Variants in SH3GL3 observed in about 807,000 individuals in gnomAD.
The protein encoded by SH3GL3 is endophilin-A3.
SH3GL3 carries 33 observed loss-of-function variants against 47.7 expected under a neutral mutation model. That is an observed-to-expected ratio of 0.69 (90% CI 0.52 to 0.92). The LOEUF (loss-of-function observed/expected upper bound fraction) is 0.92, where lower values mean the gene tolerates loss of function less well. Among genes scored for constraint, SH3GL3 ranks in the 40% least tolerant of loss-of-function variants. The pLI, the probability that SH3GL3 is intolerant of heterozygous loss-of-function variation, is 0.00. For missense variants in SH3GL3, 363 were observed against 417.8 expected (o/e 0.87, Z 1.14); for synonymous variants, 155 against 148.8 (o/e 1.04, Z -0.30).
intron 1 of SH3GL3, among the ~76,000 whole-genome samples, chr15:83,501,377 A>T (rs891566361): frequency 6.6e-6 from 1 of 152,192 alleles, no homozygotes; most frequent in Non-Finnish European, 1.5e-5. Context: ...TTCTGTGCTA[A>T]CATTTTTCTC....
intron 1 of SH3GL3, among the ~76,000 whole-genome samples, chr15:83,460,336 A>G (rs2040230949): frequency 6.6e-6 from 1 of 151,730 alleles, no homozygotes; most frequent in Admixed American, 6.6e-5. Context: ...ATTTTTCTAA[A>G]AGCCATGCAT....
downstream of SH3GL3, among the ~76,000 whole-genome samples, chr15:83,619,117 A>G (rs2060898989): frequency 1.3e-5 from 2 of 152,198 alleles, no homozygotes; most frequent in Admixed American, 6.5e-5. Context: ...CCTTGCCTAC[A>G]GTACGCACTA....
intron 8 of SH3GL3, 88 bp downstream of exon 8, chr15:83,588,859 A>G (rs902432390): frequency 6.8e-6 from 5 of 738,000 alleles, no homozygotes; most frequent in African/African-American, 5.2e-5. Context: ...GGGTCAGTGA[A>G]TACACACAGA....
At chr15:83,579,656 C>G (rs1285806452) in intron 6 of SH3GL3, among the ~76,000 whole-genome samples, 1 of 152,148 alleles carries the variant, frequency 6.6e-6, no homozygotes, top group African/African-American at 2.4e-5. Flanking sequence ...TTCACTGACA[C>G]CCCATGATAA....
At chr15:83,485,943 C>T (rs2041576802) in intron 1 of SH3GL3, among the ~76,000 whole-genome samples, 1 of 152,174 alleles carries the variant, frequency 6.6e-6, no homozygotes, top group South Asian at 2.1e-4. Context: ...AACATTTTGC[C>T]ATCTTTGGTT....
downstream of SH3GL3, among the ~76,000 whole-genome samples, chr15:83,620,764 C>T (rs1463010226): frequency 6.6e-6 from 1 of 152,184 alleles, no homozygotes; most frequent in East Asian, 1.9e-4. Context: ...GTTGTATTAA[C>T]GCCTAACAGG....
chr15:83,513,050 G>A (rs2042833220), intron 1 of SH3GL3, among the ~76,000 whole-genome samples: 1 of 152,126 alleles, frequency 6.6e-6, no homozygotes, highest in Admixed American at 6.6e-5. Flanking sequence ...AGATGGTCTG[G>A]GTCAGCTTTG....
intron 1 of SH3GL3, among the ~76,000 whole-genome samples, chr15:83,537,295 G>C (rs2043956715): frequency 6.6e-6 from 1 of 152,196 alleles, no homozygotes; most frequent in South Asian, 2.1e-4. Context: ...ACTCTCTTTA[G>C]AGTGTGGGTA....
intron 1 of SH3GL3, among the ~76,000 whole-genome samples, chr15:83,527,455 A>G (rs905133648): frequency 6.6e-6 from 1 of 152,098 alleles, no homozygotes; most frequent in African/African-American, 2.4e-5. Context: ...TCCCCTTATC[A>G]TTATATAATG....
intron 1 of SH3GL3, among the ~76,000 whole-genome samples, chr15:83,464,762 G>C (rs944221673): frequency 1.3e-5 from 2 of 151,960 alleles, no homozygotes; most frequent in African/African-American, 4.8e-5. Context: ...CTATCACCTT[G>C]GTCCTGGCCA....
intron 1 of SH3GL3, among the ~76,000 whole-genome samples, chr15:83,469,370 A>G (rs1242263211): frequency 6.6e-6 from 1 of 151,714 alleles, no homozygotes. Flanking sequence ...TCCTTAGTTT[A>G]TTTGCATATT....
chr15:83,477,873 C>A (rs142786496), intron 1 of SH3GL3, among the ~76,000 whole-genome samples: 1,739 of 152,080 alleles, frequency 0.011, 16 homozygotes, highest in Non-Finnish European at 0.015. Flanking sequence ...ATAGATTTTG[C>A]GGGAACAAAT....
intron 1 of SH3GL3, among the ~76,000 whole-genome samples, chr15:83,500,504 A>G (rs2042249324): frequency 6.6e-6 from 1 of 152,110 alleles, no homozygotes; most frequent in South Asian, 2.1e-4. Flanking sequence ...CAAGTGCCAT[A>G]TCTCTCTCCA....
At chr15:83,514,371 T>G (rs2042894865) in intron 1 of SH3GL3, among the ~76,000 whole-genome samples, 4 of 152,064 alleles carry the variant, frequency 2.6e-5, no homozygotes, top group Admixed American at 2.0e-4. Flanking sequence ...ATCCACAATT[T>G]GTTCTCAAAA....
intron 1 of SH3GL3, among the ~76,000 whole-genome samples, chr15:83,531,107 C>T (rs1171581260): frequency 2.6e-5 from 4 of 152,200 alleles, no homozygotes; most frequent in African/African-American, 9.7e-5. Context: ...AGGGATCCTT[C>T]AGTTCATTTT....
At chr15:83,459,676 T>G (rs1258884728) in intron 1 of SH3GL3, among the ~76,000 whole-genome samples, 1 of 152,222 alleles carries the variant, frequency 6.6e-6, no homozygotes, top group East Asian at 1.9e-4. Flanking sequence ...TTATACAGTT[T>G]CTGCCTAATT....
chr15:83,594,064 C>T (rs754823951), intron 8 of SH3GL3, among the ~76,000 whole-genome samples: 2 of 152,182 alleles, frequency 1.3e-5, no homozygotes, highest in Non-Finnish European at 2.9e-5. Context: ...AGCTATTCGC[C>T]TGCTTCGGCC....
chr15:83,605,931 C>G (rs2060504459), intron 8 of SH3GL3, among the ~76,000 whole-genome samples: 1 of 152,170 alleles, frequency 6.6e-6, no homozygotes, highest in Admixed American at 6.5e-5. Flanking sequence ...GACCCATGCT[C>G]AAGTATCTTC....
chr15:83,541,538 T>A (rs747530269), intron 1 of SH3GL3, among the ~76,000 whole-genome samples: 1 of 152,024 alleles, frequency 6.6e-6, no homozygotes, highest in African/African-American at 2.4e-5. Flanking sequence ...ATTCTATTTT[T>A]TGAGGAAATT....
Sources: gnomAD v4.1 joint callset for allele counts (sites outside exome capture counted in the v4.1 genomes callset) on GRCh38, gnomAD v4.1.1 for gene constraint, MANE v1.5 for transcripts, NCBI Gene and HGNC (gene_info 2026-07-23, HGNC 2026-07-21) for gene names.